The following PRKACB variants were observed in gnomAD, a reference collection of about 807,000 sequenced individuals.
PRKACB encodes the protein protein kinase cAMP-activated catalytic subunit beta.
PRKACB carries 16 observed loss-of-function variants against 51.4 expected under a neutral mutation model. The ratio of observed to expected loss-of-function variants is 0.31; its 90% CI spans 0.21 to 0.47. The LOEUF (loss-of-function observed/expected upper bound fraction) is 0.47. PRKACB is among the 20% of genes least tolerant of loss of function. PRKACB has a pLI of 1.00. For missense variants in PRKACB, 309 were observed against 464.5 expected, an observed-to-expected ratio of 0.67 and a Z score of 3.08; for synonymous variants, 147 against 154.4, an observed-to-expected ratio of 0.95 and a Z score of 0.35.
chr1:84,147,712 A>G (rs1478079651), intron 1 of PRKACB, among the ~76,000 whole-genome samples: 1 of 152,094 alleles, frequency 6.6e-6, no homozygotes, highest in Non-Finnish European at 1.5e-5. Flanking sequence ...CTTCAAAAAT[A>G]TTAAAGAATG....
At chr1:84,100,267 A>G (rs750868150) in intron 1 of PRKACB, among the ~76,000 whole-genome samples, 2 of 152,158 alleles carry the variant, frequency 1.3e-5, no homozygotes, top group Non-Finnish European at 2.9e-5. Flanking sequence ...AACCTCTCCC[A>G]TGATCCAATC....
chr1:84,093,342 A>C (rs1473619436), intron 1 of PRKACB, among the ~76,000 whole-genome samples: 1 of 151,888 alleles, frequency 6.6e-6, no homozygotes, highest in Non-Finnish European at 1.5e-5. Context: ...ATTTGTTAAT[A>C]TCAGTATTTA....
chr1:84,126,443 C>G (rs1651621657), intron 1 of PRKACB, among the ~76,000 whole-genome samples: 1 of 152,152 alleles, frequency 6.6e-6, no homozygotes. Flanking sequence ...CAAGCTGTTC[C>G]TCTGAAGTCA....
At chr1:84,110,100 A>G (rs1203783571) in intron 1 of PRKACB, among the ~76,000 whole-genome samples, 1 of 151,910 alleles carries the variant, frequency 6.6e-6, no homozygotes, top group Non-Finnish European at 1.5e-5. Context: ...AGATTTTCCC[A>G]TAAAAACATG....
At chr1:84,219,393 T>G (rs1474322666) in intron 9 of PRKACB, among the ~76,000 whole-genome samples, 1 of 151,820 alleles carries the variant, frequency 6.6e-6, no homozygotes, top group African/African-American at 2.4e-5. Flanking sequence ...CCCAGCTAAT[T>G]TTTGTATTTT....
At chr1:84,162,646 C>A (rs1386488095) in intron 1 of PRKACB, among the ~76,000 whole-genome samples, 1 of 151,764 alleles carries the variant, frequency 6.6e-6, no homozygotes, top group Non-Finnish European at 1.5e-5. Context: ...AATAGTTTTT[C>A]TTTCTATATT....
chr1:84,098,579 T>C (rs757715002), intron 1 of PRKACB, among the ~76,000 whole-genome samples: 2 of 152,102 alleles, frequency 1.3e-5, no homozygotes, highest in African/African-American at 2.4e-5. Context: ...AAAAGTCATC[T>C]AGAAGAGTGG....
chr1:84,199,647 T>A (rs943386519), intron 7 of PRKACB, among the ~76,000 whole-genome samples: 1 of 152,148 alleles, frequency 6.6e-6, no homozygotes, highest in African/African-American at 2.4e-5. Context: ...AAATGATTTA[T>A]AATCCTCTGG....
Position 84,229,688 on chromosome 1 carries a change from G to A in PRKACB, c.1072-5492G>A, listed in dbSNP as rs369996336. Among the ~76,000 whole-genome samples, 5 of 150,508 alleles carry A rather than the reference G, an allele frequency of 3.3e-5. No homozygotes were observed. The South Asian group carries it at 6.3e-4, about 19-fold the overall frequency. ...TGCATTTCTCTGATGGCCAGTGATG[G>A]TGAGCATTTTTTCATGTGTTTTTTG... is the stretch of plus-strand genomic sequence containing the variant. On this transcript the variant is annotated intron_variant, in intron 9 of 9. Coordinates refer to ENST00000370685, the MANE Select transcript of PRKACB (RefSeq NM_182948.4).
rs1002471052 is a variant in PRKACB, at chr1:84,145,154, T to C, written c.187+606T>C. Among the ~76,000 whole-genome samples the C allele has an allele frequency of 6.6e-5, 10 of 152,280 alleles. No homozygotes were observed. In the East Asian group the frequency reaches 7.7e-4, roughly 12 times the overall value. On this transcript the variant is annotated intron_variant, in intron 1 of 9. Coordinates refer to ENST00000370685, the MANE Select transcript of PRKACB (RefSeq NM_182948.4). ...ACTCAAATGCAGGAAAAGTTGGTTA[T>C]GCATGAATCACATTCTTTCAGGCAT... is the stretch of plus-strand genomic sequence containing the variant.
At chr1:84,097,234 A>G (rs1458515754) in intron 1 of PRKACB, among the ~76,000 whole-genome samples, 1 of 151,966 alleles carries the variant, frequency 6.6e-6, no homozygotes, top group African/African-American at 2.4e-5. Flanking sequence ...ATACACACCT[A>G]TACTCATTTC....
chr1:84,166,950 C>T (rs1236974679), intron 1 of PRKACB, among the ~76,000 whole-genome samples: 3 of 151,524 alleles, frequency 2.0e-5, no homozygotes, highest in African/African-American at 7.3e-5. Flanking sequence ...AAATCTGCTC[C>T]ATTTTCATTG....
intron 9 of PRKACB, among the ~76,000 whole-genome samples, chr1:84,225,323 C>T (rs2101651112): frequency 6.6e-6 from 1 of 152,280 alleles, no homozygotes; most frequent in East Asian, 1.9e-4. Flanking sequence ...CTATCAGTGG[C>T]AGTGGCCCCA....
intron 8 of PRKACB, among the ~76,000 whole-genome samples, chr1:84,205,735 G>A (rs1395323384): frequency 6.6e-6 from 1 of 151,936 alleles, no homozygotes; most frequent in African/African-American, 2.4e-5. Context: ...TTTAACTCAA[G>A]CTGGTATTTT....
In PRKACB at chr1:84,182,622, T is replaced by TAA. The variant is rs528247136; in HGVS notation, c.378+295_378+296insAA. 3.4e-4 allele frequency among the ~76,000 whole-genome samples: 51 copies of TAA among 152,166 alleles called. No homozygotes were observed. The East Asian group carries it at 7.9e-3, about 24-fold the overall frequency. ...ACATGTACAGACTTTTGTTTCTTGT[T>TAA]ATTATTCCCTAAACAATACAGTGTA... On this transcript the variant is annotated intron_variant, in intron 3 of 9. Transcript: ENST00000370685.
chr1:84,178,431 A>G (rs1293688193), intron 1 of PRKACB, among the ~76,000 whole-genome samples: 2 of 152,010 alleles, frequency 1.3e-5, no homozygotes, highest in Admixed American at 1.3e-4. Flanking sequence ...CAAATTTAAA[A>G]CTTCAAACCA....
rs1345679565 is a variant in PRKACB, at chr1:84,185,183, G to GTAAC, written c.560+5_560+8dup. On this transcript the variant is annotated splice_donor_variant, in intron 5 of 9. Coordinates refer to ENST00000370685, the MANE Select transcript of PRKACB (RefSeq NM_182948.4). LOFTEE classifies it high-confidence loss of function. ...ATCTAAGAAGAATTGGAAGGTTCAG[G>GTAAC]TAACTAATGGTTTTGCTTTCTTCAA... The GTAAC allele has an allele frequency of 6.7e-7, 1 of 1,502,502 alleles. No homozygotes were observed. Among genetic ancestry groups the GTAAC allele is most frequent in the East Asian group, 2.7e-5 (1 of 37,620 alleles). 93.1% of individuals were successfully genotyped at this position (1,502,502 alleles called of 1,614,324 possible). A position where few individuals can be genotyped will look rare whatever the true frequency, so the allele number is the denominator to read the frequency against.
upstream of PRKACB, among the ~76,000 whole-genome samples, chr1:84,142,411 T>A (rs1165839388): frequency 2.0e-5 from 3 of 152,134 alleles, no homozygotes; most frequent in Admixed American, 6.5e-5. Context: ...CCTTACAGAA[T>A]CAGTCCATGC....
At chr1:84,169,007 A>C (rs1250905223) in intron 1 of PRKACB, among the ~76,000 whole-genome samples, 1 of 151,664 alleles carries the variant, frequency 6.6e-6, no homozygotes, top group Non-Finnish European at 1.5e-5. Flanking sequence ...AAATGATGTG[A>C]AGAGTTTAGT....
Sources: gnomAD v4.1 joint callset for allele counts (sites outside exome capture counted in the v4.1 genomes callset) on GRCh38, gnomAD v4.1.1 for gene constraint, MANE v1.5 for transcripts, NCBI Gene and HGNC (gene_info 2026-07-23, HGNC 2026-07-21) for gene names.